The following HAT1 variants were observed in gnomAD, a reference collection of about 807,000 sequenced individuals.
HAT1 encodes the protein histone acetyltransferase type B catalytic subunit.
Under a neutral mutation model 56.6 loss-of-function variants are expected in HAT1, and 20 were observed. The ratio of observed to expected loss-of-function variants is 0.35; its 90% CI spans 0.25 to 0.51. The LOEUF is 0.51. Ranked by LOEUF, HAT1 falls within the 20% of genes least tolerant of loss-of-function variation. The pLI, the probability that HAT1 is intolerant of heterozygous loss-of-function variation, is 0.95. For missense variants in HAT1, 408 were observed against 504.3 expected, an observed-to-expected ratio of 0.81 and a Z score of 1.83; for synonymous variants, 146 against 165.5, an observed-to-expected ratio of 0.88 and a Z score of 0.91.
At chr2:171,975,729 T>C (rs113329985) in intron 8 of HAT1, among the ~76,000 whole-genome samples, 10 of 152,276 alleles carry the variant, frequency 6.6e-5, no homozygotes, top group African/African-American at 2.4e-4. Flanking sequence ...CTGATTTTGG[T>C]AAATGTTGTT....
intron 4 of HAT1, among the ~76,000 whole-genome samples, chr2:171,961,981 C>T (rs1257582028): frequency 6.6e-6 from 1 of 151,446 alleles, no homozygotes; most frequent in African/African-American, 2.4e-5. Flanking sequence ...AACATGTTAC[C>T]ACCTACTTAA....
intron 4 of HAT1, among the ~76,000 whole-genome samples, chr2:171,958,066 T>C (rs1158267876): frequency 6.6e-6 from 1 of 152,106 alleles, no homozygotes; most frequent in Non-Finnish European, 1.5e-5. Context: ...CCCATCTATA[T>C]TTTTGGTTAA....
At chr2:171,943,512 C>CT (rs1296071634) in intron 2 of HAT1, among the ~76,000 whole-genome samples, 2 of 149,056 alleles carry the variant, frequency 1.3e-5, no homozygotes, top group Admixed American at 1.3e-4. Flanking sequence ...GCCTAAGCCT[C>CT]TTTTTTTTCT....
At chr2:171,926,671 C>G (rs1378946197) in intron 2 of HAT1, among the ~76,000 whole-genome samples, 1 of 152,070 alleles carries the variant, frequency 6.6e-6, no homozygotes, top group African/African-American at 2.4e-5. Flanking sequence ...TTCAAGCAGT[C>G]CCCTGGCTTG....
At chr2:171,968,395 C>G (rs1687731348) in intron 8 of HAT1, among the ~76,000 whole-genome samples, 1 of 152,120 alleles carries the variant, frequency 6.6e-6, no homozygotes, top group Non-Finnish European at 1.5e-5. Context: ...TCTTTGTCTA[C>G]TCTAGTGGGT....
chr2:171,966,711 T>C (rs994113472), intron 7 of HAT1, 132 bp from the exon 8 acceptor site: 1 of 630,038 alleles, frequency 1.6e-6, no homozygotes, highest in Non-Finnish European at 2.8e-6. Flanking sequence ...TTGATAATTT[T>C]TGGGTATCTC....
intron 8 of HAT1, among the ~76,000 whole-genome samples, chr2:171,968,783 C>A (rs1348512694): frequency 6.6e-6 from 1 of 152,132 alleles, no homozygotes; most frequent in Non-Finnish European, 1.5e-5. Flanking sequence ...GCAGATTTTT[C>A]TACTCTTCTG....
At chr2:171,977,819 T>C (rs1222278175) in intron 9 of HAT1, among the ~76,000 whole-genome samples, 1 of 151,592 alleles carries the variant, frequency 6.6e-6, no homozygotes, top group Non-Finnish European at 1.5e-5. Context: ...ATACTCCCTT[T>C]TCCTAATTGC....
At chr2:171,970,829 G>A (rs1687798252) in intron 8 of HAT1, among the ~76,000 whole-genome samples, 1 of 148,952 alleles carries the variant, frequency 6.7e-6, no homozygotes, top group South Asian at 2.2e-4. Context: ...CAATGCAGTT[G>A]TTTTTCTCAA....
chr2:171,969,264 T>A (rs1047378369), intron 8 of HAT1, among the ~76,000 whole-genome samples: 5 of 152,218 alleles, frequency 3.3e-5, no homozygotes, highest in Non-Finnish European at 5.9e-5. Flanking sequence ...AGTAGTACAT[T>A]AAGAGCTAAT....
intron 4 of HAT1, among the ~76,000 whole-genome samples, chr2:171,955,812 C>T (rs1038746180): frequency 1.3e-5 from 2 of 151,494 alleles, no homozygotes; most frequent in African/African-American, 4.9e-5. Flanking sequence ...TTTGGGAGGC[C>T]AGGGCAGGTG....
intron 4 of HAT1, among the ~76,000 whole-genome samples, chr2:171,958,023 C>G (rs542430985): frequency 2.0e-5 from 3 of 152,234 alleles, no homozygotes; most frequent in African/African-American, 7.2e-5. Context: ...CTGATTTTAA[C>G]TGTTGACTTT....
intron 8 of HAT1, among the ~76,000 whole-genome samples, chr2:171,968,754 G>A (rs938633996): frequency 6.6e-6 from 1 of 152,054 alleles, no homozygotes; most frequent in Admixed American, 6.6e-5. Flanking sequence ...TCCATACCCA[G>A]TCCTTAAAAA....
At chr2:171,946,947 AT>A (rs902372050) in intron 3 of HAT1, among the ~76,000 whole-genome samples, 164 bp downstream of exon 3, 2 of 152,120 alleles carry the variant, frequency 1.3e-5, no homozygotes, top group African/African-American at 4.8e-5. Flanking sequence ...GACACCAGTT[AT>A]TTTAATACCT....
chr2:171,979,333 T>C lies in HAT1; in HGVS notation c.1062T>C (p.Asp354=), dbSNP rs1688073504. The stretch of plus-strand genomic sequence containing the variant: ...AACAATACAGAAGCTACAGACTGGA[T>C]ATTAAAAGAAGACTAATTAGCCCAT... The part of the protein sequence containing the change: ...DAEQYRSYRL[D]IKRRLISPYK... The change falls in exon 10 of 11, where the codon GAT becomes GAC. Residue 354 remains aspartate (D), a synonymous_variant. Transcript: ENST00000264108. 6.3e-7 allele frequency: 1 copy of C among 1,590,282 alleles called. No individual in the cohort carries two copies. The highest frequency in any genetic ancestry group is 8.6e-7 in the Non-Finnish European group (1 of 1,158,374).
chr2:171,928,541 C>T (rs915673822), intron 2 of HAT1, among the ~76,000 whole-genome samples: 4 of 152,230 alleles, frequency 2.6e-5, no homozygotes, highest in East Asian at 1.9e-4. Flanking sequence ...CAGAGTCTCA[C>T]GCTGTTGCTT....
chr2:171,977,524 AATATATAT>A (rs1174016253), intron 9 of HAT1, among the ~76,000 whole-genome samples: 7 of 36,378 alleles, frequency 1.9e-4, no homozygotes, highest in African/African-American at 5.3e-4. Flanking sequence ...CAGGCATATG[AATATATAT>A]ATATATATAT....
intron 2 of HAT1, among the ~76,000 whole-genome samples, chr2:171,945,077 G>A (rs893135074): frequency 6.6e-6 from 1 of 152,020 alleles, no homozygotes; most frequent in Non-Finnish European, 1.5e-5. Context: ...CACCATATTG[G>A]TTAGGCTGGT....
chr2:171,970,753 T>TCAG (rs1166584468), intron 8 of HAT1, among the ~76,000 whole-genome samples: 1 of 150,402 alleles, frequency 6.6e-6, no homozygotes. Context: ...CTCCTAACCT[T>TCAG]GTGACCCTCC....
Sources: allele counts gnomAD v4.1 joint callset (sites outside exome capture counted in the v4.1 genomes callset), GRCh38; gene constraint gnomAD v4.1.1; transcripts MANE v1.5; gene names NCBI Gene and HGNC (gene_info 2026-07-23, HGNC 2026-07-21).